Variants in GBF1 observed in about 807,000 individuals in gnomAD.
GBF1 encodes golgi brefeldin A resistant guanine nucleotide exchange factor 1, also known as Golgi-specific brefeldin A-resistance guanine nucleotide exchange factor 1.
In GBF1, 114 loss-of-function variants were observed where a neutral mutation model predicts 210.5. The observed-to-expected ratio is 0.54, with a 90% CI of 0.47 to 0.63. The LOEUF (loss-of-function observed/expected upper bound fraction) is 0.63, where lower values mean the gene tolerates loss of function less well. Ranked by LOEUF, GBF1 falls within the 30% of genes least tolerant of loss-of-function variation. The probability of loss-of-function intolerance (pLI) is 0.00; values close to 1 mark genes in which losing one functional copy is unlikely to be tolerated. For synonymous variants in GBF1, 850 were observed against 889.2 expected, an observed-to-expected ratio of 0.96 and a Z score of 0.78; for missense variants, 1,851 against 2,357.7, an observed-to-expected ratio of 0.79 and a Z score of 4.45.
chr10:102,319,868 A>G (rs2056237584), intron 3 of GBF1, among the ~76,000 whole-genome samples: 1 of 151,398 alleles, frequency 6.6e-6, no homozygotes, highest in Non-Finnish European at 1.5e-5. Context: ...AGCTGGGATT[A>G]CAGGTGCCTG....
At chr10:102,351,453 G>T (rs548314535) in intron 5 of GBF1, 79 bp downstream of exon 5, 2 of 855,980 alleles carry the variant, frequency 2.3e-6, no homozygotes, top group African/African-American at 1.6e-5. Flanking sequence ...CCCACAGCAT[G>T]AAACTGTGTT....
chr10:102,378,521 G>A (rs1202502559), intron 33 of GBF1, among the ~76,000 whole-genome samples: 1 of 152,092 alleles, frequency 6.6e-6, no homozygotes, highest in African/African-American at 2.4e-5. Context: ...CAGCTACTGG[G>A]GAGGCTGAGT....
intron 3 of GBF1, among the ~76,000 whole-genome samples, chr10:102,317,953 G>T (rs2055981698): frequency 6.6e-6 from 1 of 151,948 alleles, no homozygotes; most frequent in African/African-American, 2.4e-5. Flanking sequence ...CTGTCACCCA[G>T]GCTGGAGTGC....
intron 3 of GBF1, among the ~76,000 whole-genome samples, chr10:102,298,910 C>T (rs1050173655): frequency 6.6e-6 from 1 of 152,160 alleles, no homozygotes; most frequent in African/African-American, 2.4e-5. Flanking sequence ...ATATGAAACT[C>T]ATTTGTTCTG....
intron 1 of GBF1, among the ~76,000 whole-genome samples, chr10:102,250,945 G>A (rs7093928): frequency 0.43 from 64,898 of 150,746 alleles, 14,097 homozygotes; most frequent in African/African-American, 0.5. Flanking sequence ...CGACAAGAGC[G>A]AAACTCTGTC....
chr10:102,352,399 C>G, intron 6 of GBF1, 59 bp from the exon 7 acceptor site: 1 of 1,159,726 alleles, frequency 8.6e-7, no homozygotes, highest in Non-Finnish European at 1.3e-6. Flanking sequence ...CTCTGAGAAC[C>G]CTCTTGATAA....
chr10:102,363,965 C>T lies in GBF1; in HGVS notation c.2106+167C>T, dbSNP rs1025127459. 2.0e-5 allele frequency among the ~76,000 whole-genome samples: 3 copies of T among 152,024 alleles called. No homozygotes were observed. The highest frequency in any genetic ancestry group is 4.8e-5 in the African/African-American group (2 of 41,370). On this transcript the variant is annotated intron_variant, in intron 17 of 39. Transcript: ENST00000369983. The surrounding 1 kb of genome is among the most constrained non-coding windows in gnomAD (Gnocchi z 4.2). ...CAGCAACTCCCATTTGAAGCCCTTC[C>T]CTTACTCCTAAGCTATGTAGTTGAG...
intron 1 of GBF1, among the ~76,000 whole-genome samples, chr10:102,258,570 G>A (rs1219706659): frequency 2.7e-5 from 4 of 149,660 alleles, no homozygotes; most frequent in Non-Finnish European, 5.9e-5. Context: ...TCTGGAGCTC[G>A]AGACCAGCCT....
the GBF1 span, chr10:102,231,139 C>T: frequency 2.0e-6 from 3 of 1,473,452 alleles, no homozygotes; most frequent in East Asian, 2.5e-5. Flanking sequence ...GGCCCGGGGC[C>T]GGGTCCCAGC....
chr10:102,379,523 A>T lies in GBF1; in HGVS notation c.4648A>T (p.Ile1550Phe). The T allele has an allele frequency of 6.2e-7, 1 of 1,614,112 alleles. No individual in the cohort carries two copies. Among genetic ancestry groups the T allele is most frequent in the Non-Finnish European group, 8.5e-7 (1 of 1,180,006 alleles). Residue 1550 changes from isoleucine to phenylalanine, a missense_variant and splice_region_variant, in exon 35 of 40, where the codon ATT becomes TTT. By Grantham distance (21) the Ile-to-Phe change is conservative (BLOSUM62 0). Coordinates refer to ENST00000369983, the MANE Select transcript of GBF1 (RefSeq NM_001377137.1). ...AHCWCPLLQG[I>F]ACLCCDARRQ... Reference sequence around the variant, plus strand: ...CCTGACCCTGCTCTTGCTCTCAGGTATTGCCTGCCTGTGCTGCGATGCCCG... The same window carrying T: ...CCTGACCCTGCTCTTGCTCTCAGGTTTTGCCTGCCTGTGCTGCGATGCCCG...
At chr10:102,313,825 A>G (rs1461704777) in intron 3 of GBF1, among the ~76,000 whole-genome samples, 1 of 152,194 alleles carries the variant, frequency 6.6e-6, no homozygotes, top group African/African-American at 2.4e-5. Flanking sequence ...ACCTCTGTGT[A>G]TCTGTATTAA....
At chr10:102,285,098 A>G (rs1457001003) in intron 3 of GBF1, among the ~76,000 whole-genome samples, 1 of 152,244 alleles carries the variant, frequency 6.6e-6, no homozygotes, top group Non-Finnish European at 1.5e-5. Context: ...TTTATACTAA[A>G]GGATTACTTT....
chr10:102,328,092 C>G lies in GBF1; in HGVS notation c.164-15959C>G, dbSNP rs78818271. 2.6e-3 allele frequency among the ~76,000 whole-genome samples: 399 copies of G among 152,300 alleles called. 3 individuals are homozygous for G. The highest frequency in any genetic ancestry group is 8.8e-3 in the African/African-American group (367 of 41,576). ...AGTGATTACCATACTTATCCTAGCT[C>G]CATCTATTTTTGACGCTTTTGTTTT... On this transcript the variant is annotated intron_variant, in intron 3 of 39. Coordinates refer to ENST00000369983, the MANE Select transcript of GBF1 (RefSeq NM_001377137.1).
intron 27 of GBF1, 29 bp from the exon 28 acceptor site, chr10:102,370,355 C>A (rs891659918): frequency 6.5e-7 from 1 of 1,545,938 alleles, no homozygotes; most frequent in Middle Eastern, 1.7e-4. Flanking sequence ...CTTTTCCATG[C>A]CTACTTTCCT....
In GBF1 at chr10:102,362,623, C is replaced by T; in HGVS notation, c.1835C>T (p.Pro612Leu). ...CAAGAGAAGAAGGAGACAGCCAGAC[C>T]AAGCTGTGAGATAGTAGATGGCACC... The part of the protein sequence containing the change: ...TQQEKKETAR[P>L]SCEIVDGTRE... The change falls in exon 15 of 40, where the codon CCA becomes CTA. Residue 612 changes from proline to leucine, a missense_variant. Around this residue, in one of 3 missense-constraint regions of GBF1, gnomAD observed 804 missense variants for 958.6 expected, o/e 0.84. Coordinates refer to ENST00000369983, the MANE Select transcript of GBF1 (RefSeq NM_001377137.1). The T allele has an allele frequency of 1.2e-6, 2 of 1,614,156 alleles. No individual in the cohort carries two copies. The highest frequency in any genetic ancestry group is 1.7e-6 in the Non-Finnish European group (2 of 1,180,016).
intron 3 of GBF1, among the ~76,000 whole-genome samples, chr10:102,278,425 A>G (rs7342045): frequency 0.014 from 2,162 of 152,292 alleles, 48 homozygotes; most frequent in African/African-American, 0.049. Flanking sequence ...AATTACAGGC[A>G]TGAGCCACCA....
chr10:102,353,707 C>A lies in GBF1; in HGVS notation c.639+53C>A, dbSNP rs539671326. ...CCTCATCCAAACCTTAATCTCCCAA[C>A]TTCAGTGCCTTGGGGTAACCTTGCT... is the stretch of plus-strand genomic sequence containing the variant. On this transcript the variant is annotated intron_variant, in intron 8 of 39. Coordinates refer to ENST00000369983, the MANE Select transcript of GBF1 (RefSeq NM_001377137.1). The A allele has an allele frequency of 2.0e-4, 256 of 1,293,644 alleles. 6 individuals are homozygous for A. The South Asian group carries it at 2.9e-3, about 15-fold the overall frequency. The allele number at this position is 1,293,644 out of a possible 1,614,324, so 80.1% of individuals were successfully genotyped here. A position where few individuals can be genotyped will look rare whatever the true frequency, so the allele number is the denominator to read the frequency against.
intron 3 of GBF1, among the ~76,000 whole-genome samples, chr10:102,264,232 CAG>C (rs1476598938): frequency 6.6e-6 from 1 of 152,098 alleles, no homozygotes; most frequent in Non-Finnish European, 1.5e-5. Flanking sequence ...TCTCAGGTCT[CAG>C]AACTGTGGAG....
intron 5 of GBF1, among the ~76,000 whole-genome samples, 196 bp from the exon 6 acceptor site, chr10:102,351,647 C>T (rs1054045605): frequency 2.6e-5 from 4 of 152,192 alleles, no homozygotes; most frequent in Admixed American, 2.0e-4. Flanking sequence ...CTCTTGGGCT[C>T]ATGGGCTAGG....
Sources: allele counts gnomAD v4.1 joint callset (sites outside exome capture counted in the v4.1 genomes callset), GRCh38; gene constraint gnomAD v4.1.1; regional missense constraint gnomAD v4.1.1; non-coding constraint Gnocchi (gnomAD v3.1); transcripts MANE v1.5; gene names NCBI Gene and HGNC (gene_info 2026-07-23, HGNC 2026-07-21).